The following GFRA1 variants were observed in gnomAD, a reference collection of about 807,000 sequenced individuals.
GFRA1 encodes GDNF family receptor alpha 1.
In GFRA1, 16 loss-of-function variants were observed where a neutral mutation model predicts 51.6. That is an observed-to-expected ratio of 0.31 (90% CI 0.21 to 0.47). GFRA1 has a LOEUF of 0.47. Among genes scored for constraint, GFRA1 ranks in the 20% least tolerant of loss-of-function variants. The pLI is 1.00. For missense variants in GFRA1, 530 were observed against 594.3 expected (o/e 0.89, Z 1.13); for synonymous variants, 270 against 241.3 (o/e 1.12, Z -1.10).
At chr10:116,134,395 G>A (rs548862570) in intron 5 of GFRA1, among the ~76,000 whole-genome samples, 1 of 152,296 alleles carries the variant, frequency 6.6e-6, no homozygotes, top group Admixed American at 6.5e-5. Context: ...CACAGGTGTA[G>A]GCAAACTTTT....
chr10:116,164,398 A>G (rs2134191528), intron 5 of GFRA1, among the ~76,000 whole-genome samples: 1 of 151,814 alleles, frequency 6.6e-6, no homozygotes, highest in South Asian at 2.1e-4. Context: ...TTACTATGTA[A>G]CCAATTAGTC....
chr10:116,244,207 TATTACAGATCA>T (rs1295331913), intron 4 of GFRA1, among the ~76,000 whole-genome samples: 1 of 151,870 alleles, frequency 6.6e-6, no homozygotes, highest in Non-Finnish European at 1.5e-5. Flanking sequence ...ATTACAGATT[TATTACAGATCA>T]ATCTGAAAAA....
At chr10:116,234,892 TAGTG>T (rs1165562311) in intron 4 of GFRA1, among the ~76,000 whole-genome samples, 3 of 152,288 alleles carry the variant, frequency 2.0e-5, no homozygotes, top group Non-Finnish European at 2.9e-5. Context: ...ATTCTCATGA[TAGTG>T]AGTGAGTTCT....
At chr10:116,142,296 A>G (rs1322383383) in intron 5 of GFRA1, among the ~76,000 whole-genome samples, 1 of 152,018 alleles carries the variant, frequency 6.6e-6, no homozygotes, top group Non-Finnish European at 1.5e-5. Flanking sequence ...AGCCACTTCC[A>G]CTCTGGTCAT....
intron 9 of GFRA1, 108 bp downstream of exon 9, chr10:116,089,633 C>G (rs2133872229): frequency 2.2e-6 from 2 of 929,780 alleles, no homozygotes; most frequent in South Asian, 1.3e-5. Context: ...CAAACCCGAG[C>G]AGCATTCGTC....
intron 9 of GFRA1, among the ~76,000 whole-genome samples, chr10:116,080,661 G>A (rs944014776): frequency 3.9e-5 from 6 of 152,178 alleles, no homozygotes; most frequent in Non-Finnish European, 7.3e-5. Flanking sequence ...AATTTCTTGA[G>A]TGCCTGTTAT....
intron 5 of GFRA1, among the ~76,000 whole-genome samples, chr10:116,174,182 G>A (rs962397517): frequency 6.6e-6 from 1 of 151,868 alleles, no homozygotes; most frequent in Non-Finnish European, 1.5e-5. Flanking sequence ...TTCTCTGCAA[G>A]CCTACAAAAA....
chr10:116,096,114 C>T (rs1018998015), intron 7 of GFRA1, among the ~76,000 whole-genome samples: 2 of 152,064 alleles, frequency 1.3e-5, no homozygotes. Context: ...TGTCTGTTTT[C>T]AGGAAAAAAA....
Position 116,063,075 on chromosome 10 carries a change from A to G in GFRA1, c.*1323T>C, listed in dbSNP as rs1954901003. Reference sequence around the variant, plus strand: ...GACGTTGCAGTCAGGAGTAAACACAATCCTTAGGAAAAGAACTGTGCATCC... The same window carrying G: ...GACGTTGCAGTCAGGAGTAAACACAGTCCTTAGGAAAAGAACTGTGCATCC... On this transcript the variant is annotated 3_prime_UTR_variant, in exon 11 of 11. Coordinates refer to ENST00000355422, the MANE Select transcript of GFRA1 (RefSeq NM_005264.8). 6.6e-6 allele frequency: 1 copy of G among 152,198 alleles called. No homozygotes were observed. The highest frequency in any genetic ancestry group is 1.5e-5 in the Non-Finnish European group (1 of 68,056). 9.4% of individuals were successfully genotyped at this position (152,198 alleles called of 1,614,324 possible).
At chr10:116,238,197 C>T (rs1967055941) in intron 4 of GFRA1, among the ~76,000 whole-genome samples, 1 of 152,206 alleles carries the variant, frequency 6.6e-6, no homozygotes. Context: ...TTGTGCGCAG[C>T]TGCCGGGAAG....
intron 5 of GFRA1, among the ~76,000 whole-genome samples, chr10:116,139,615 G>A (rs762971659): frequency 1.3e-5 from 2 of 152,218 alleles, no homozygotes; most frequent in Non-Finnish European, 2.9e-5. Flanking sequence ...CAGCACAAGT[G>A]CCTGGGCTCA....
intron 5 of GFRA1, among the ~76,000 whole-genome samples, chr10:116,175,210 G>A (rs1817681737): frequency 6.6e-6 from 1 of 152,190 alleles, no homozygotes; most frequent in Admixed American, 6.5e-5. Flanking sequence ...GCGGCAGCCG[G>A]CAGAAATGTC....
chr10:116,156,797 T>C (rs1165595399), intron 5 of GFRA1, among the ~76,000 whole-genome samples: 4 of 152,224 alleles, frequency 2.6e-5, no homozygotes, highest in Non-Finnish European at 4.4e-5. Flanking sequence ...GATATTTCAT[T>C]GCAGGCTTTA....
At chr10:116,232,027 A>C (rs1197868940) in intron 4 of GFRA1, among the ~76,000 whole-genome samples, 1 of 152,198 alleles carries the variant, frequency 6.6e-6, no homozygotes, top group Non-Finnish European at 1.5e-5. Context: ...AGAAAGGAGA[A>C]GCAAACTGAT....
At chr10:116,148,082 G>GGGTGTGCATGCA (rs1565610398) in intron 5 of GFRA1, among the ~76,000 whole-genome samples, 1 of 129,376 alleles carries the variant, frequency 7.7e-6, no homozygotes, top group African/African-American at 2.9e-5. Flanking sequence ...GTGCATGTGT[G>GGGTGTGCATGCA]TGTGTGCATG....
At chr10:116,122,442 T>C (rs1431508585) in intron 6 of GFRA1, among the ~76,000 whole-genome samples, 1 of 152,154 alleles carries the variant, frequency 6.6e-6, no homozygotes, top group Non-Finnish European at 1.5e-5. Context: ...TTCCTGAAAC[T>C]TGTTCCTTCC....
intron 4 of GFRA1, among the ~76,000 whole-genome samples, chr10:116,234,318 G>A (rs1172798874): frequency 2.0e-5 from 3 of 152,196 alleles, no homozygotes; most frequent in African/African-American, 7.2e-5. Flanking sequence ...CTAGTGAAAT[G>A]AAGGGACAAG....
At position 116,062,286 on chromosome 10, in the gene GFRA1, G is replaced by T. The variant is rs1954853893; in HGVS notation, c.*2112C>A. ...TGAAAACAAAATACACTCTGTAAGA[G>T]ATATGCGCTCATAGATAACTGGCAT... On this transcript the variant is annotated 3_prime_UTR_variant, in exon 11 of 11. Coordinates refer to ENST00000355422, the MANE Select transcript of GFRA1 (RefSeq NM_005264.8). The T allele has an allele frequency of 2.5e-6, 1 of 396,272 alleles. No homozygotes were observed. Among genetic ancestry groups the T allele is most frequent in the Admixed American group, 4.4e-5 (1 of 22,690 alleles). The allele number at this position is 396,272 out of a possible 1,614,324, so 24.5% of individuals were successfully genotyped here.
At position 116,063,787 on chromosome 10, in the gene GFRA1, C is replaced by A. The variant is rs1954941002; in HGVS notation, c.*611G>T. On this transcript the variant is annotated 3_prime_UTR_variant, in exon 11 of 11. Coordinates refer to ENST00000355422, the MANE Select transcript of GFRA1 (RefSeq NM_005264.8). ...GTGTTTTTTCTTTTGTACAAGAGTG[C>A]AGAACTGTTTACAGTACATAAACAT... 1.3e-5 allele frequency: 2 copies of A among 153,260 alleles called. No individual in the cohort carries two copies. Among genetic ancestry groups the A allele is most frequent in the South Asian group, 2.1e-4 (1 of 4,868 alleles). The allele number at this position is 153,260 out of a possible 1,614,324, so 9.5% of individuals were successfully genotyped here. A position where few individuals can be genotyped will look rare whatever the true frequency, so the allele number is the denominator to read the frequency against.
Sources: allele counts gnomAD v4.1 joint callset (sites outside exome capture counted in the v4.1 genomes callset), GRCh38; gene constraint gnomAD v4.1.1; transcripts MANE v1.5; gene names NCBI Gene and HGNC (gene_info 2026-07-23, HGNC 2026-07-21).